The following SMC2 variants were observed in gnomAD, a reference collection of about 807,000 sequenced individuals.
The protein encoded by SMC2 is structural maintenance of chromosomes 2.
In SMC2, 41 loss-of-function variants were observed where a neutral mutation model predicts 142.6. The ratio of observed to expected loss-of-function variants is 0.29; its 90% confidence interval spans 0.22 to 0.37. The LOEUF (loss-of-function observed/expected upper bound fraction) is 0.37, where lower values mean the gene tolerates loss of function less well. Among genes scored for constraint, SMC2 ranks in the 10% least tolerant of loss-of-function variants. The pLI is 1.00. For missense variants in SMC2, 1,265 were observed against 1,373.7 expected (o/e 0.92, Z 1.25); for synonymous variants, 463 against 457.5 (o/e 1.01, Z -0.15).
At chr9:104,097,160 C>T (rs1236193505) in intron 3 of SMC2, among the ~76,000 whole-genome samples, 2 of 140,102 alleles carry the variant, frequency 1.4e-5, no homozygotes, top group African/African-American at 2.7e-5. Context: ...CGGAGTCTCG[C>T]TCTGTTACCC....
intron 10 of SMC2, 62 bp from the exon 11 acceptor site, chr9:104,113,225 CTTAGTAAAACCAATCTGAATCTTCGGCCA>C: frequency 2.2e-6 from 2 of 923,286 alleles, no homozygotes; most frequent in Non-Finnish European, 3.1e-6. Flanking sequence ...GTTAAGGTCT[CTTAGTAAAACCAATCTGAATCTTCGGCCA>C]TTTAATTACT....
At chr9:104,101,698 T>C (rs1029985903) in intron 7 of SMC2, among the ~76,000 whole-genome samples, 1 of 152,182 alleles carries the variant, frequency 6.6e-6, no homozygotes, top group Non-Finnish European at 1.5e-5. Context: ...ATGAACCTTA[T>C]GTCCATATTT....
intron 16 of SMC2, among the ~76,000 whole-genome samples, chr9:104,120,381 A>G (rs1202782526): frequency 1.3e-5 from 2 of 152,224 alleles, no homozygotes; most frequent in African/African-American, 4.8e-5. Context: ...CTATTTAAGC[A>G]AAACAAAACA....
rs114415774 is a variant in SMC2 at position 104,134,206 on chromosome 9, A to G, written c.3109-209A>G. On this transcript the variant is annotated intron_variant, in intron 22 of 24. Transcript: ENST00000374793. ...GGGAGCCCATCCAGTCTCTGTTGCA[A>G]CTACCTGATTTTGTCTTATCACTAG... Among the ~76,000 whole-genome samples, 565 of 152,210 alleles carry G rather than the reference A, an allele frequency of 3.7e-3. 4 individuals are homozygous for G. Among genetic ancestry groups the G allele is most frequent in the African/African-American group, 0.012 (511 of 41,550 alleles).
chr9:104,126,784 G>A lies in SMC2; in HGVS notation c.2595G>A (p.Lys865=), dbSNP rs914996100. 1.3e-6 allele frequency: 2 copies of A among 1,587,200 alleles called. No homozygotes were observed. The highest frequency in any genetic ancestry group is 1.7e-6 in the Non-Finnish European group (2 of 1,171,728). ...EVMAAEVAKN[K]ESVNKAQEEV... ...TGGCAGCTGAGGTGGCTAAAAATAAGGTAGGATTTATTTATCAAATTCGAG... is the reference window on the plus strand; with the variant it reads ...TGGCAGCTGAGGTGGCTAAAAATAAAGTAGGATTTATTTATCAAATTCGAG... Residue 865 remains lysine, a splice_region_variant and synonymous_variant, in exon 19 of 25, where the codon AAG becomes AAA. Transcript: ENST00000374793.
intron 20 of SMC2, 63 bp downstream of exon 20, chr9:104,127,543 T>C: frequency 8.1e-7 from 1 of 1,236,560 alleles, no homozygotes; most frequent in Non-Finnish European, 1.1e-6. Context: ...CTTGAAAAAA[T>C]TTAGAAAACT....
At chr9:104,122,868 AAATAGTT>A (rs1243364756) in intron 16 of SMC2, among the ~76,000 whole-genome samples, 1 of 152,088 alleles carries the variant, frequency 6.6e-6, no homozygotes, top group African/African-American at 2.4e-5. Flanking sequence ...TTTCTAATGT[AAATAGTT>A]GTTACAGATT....
chr9:104,132,514 G>A (rs1047359131), intron 22 of SMC2, among the ~76,000 whole-genome samples: 2 of 152,042 alleles, frequency 1.3e-5, no homozygotes, highest in African/African-American at 4.8e-5. Flanking sequence ...CCTCTCATGT[G>A]GAAGTTTTTC....
chr9:104,127,257 A>G, intron 19 of SMC2, 29 bp from the exon 20 acceptor site: 1 of 1,501,492 alleles, frequency 6.7e-7, no homozygotes, highest in Non-Finnish European at 9.0e-7. Flanking sequence ...TTACCTCACC[A>G]CATATTTTCT....
At chr9:104,103,692 T>C (rs1564075813) in intron 9 of SMC2, among the ~76,000 whole-genome samples, 2 of 152,184 alleles carry the variant, frequency 1.3e-5, no homozygotes, top group Non-Finnish European at 2.9e-5. Context: ...CTTTTGAGGG[T>C]GATTCTGTTG....
At chr9:104,131,705 G>A (rs1178603163) in intron 21 of SMC2, among the ~76,000 whole-genome samples, 1 of 148,712 alleles carries the variant, frequency 6.7e-6, no homozygotes, top group East Asian at 2.0e-4. Flanking sequence ...TATTAGTGGA[G>A]TCAAAATATT....
chr9:104,137,776 T>A (rs1381458512), intron 23 of SMC2, among the ~76,000 whole-genome samples: 1 of 151,916 alleles, frequency 6.6e-6, no homozygotes, highest in African/African-American at 2.4e-5. Context: ...TATGGCAATA[T>A]TAAAATTGTC....
At chr9:104,127,557 T>G (rs970551360) in intron 20 of SMC2, 77 bp downstream of exon 20, 1 of 1,117,742 alleles carries the variant, frequency 8.9e-7, no homozygotes, top group African/African-American at 1.6e-5. Context: ...GAAAACTGCT[T>G]GATAGAGAAC....
intron 22 of SMC2, among the ~76,000 whole-genome samples, chr9:104,133,035 A>C (rs546199482): frequency 1.3e-5 from 2 of 152,210 alleles, no homozygotes; most frequent in African/African-American, 4.8e-5. Context: ...AATCTAACAA[A>C]GTAGGTACTG....
chr9:104,138,342 C>G (rs1365867497), intron 24 of SMC2, among the ~76,000 whole-genome samples, 177 bp downstream of exon 24: 1 of 152,110 alleles, frequency 6.6e-6, no homozygotes, highest in Non-Finnish European at 1.5e-5. Flanking sequence ...AAGTTTCACT[C>G]TCCTTTTTAA....
In SMC2 at chr9:104,126,728, A is replaced by G. The variant is rs200800207; in HGVS notation, c.2539A>G (p.Ile847Val). The G allele has an allele frequency of 6.2e-6, 10 of 1,613,138 alleles. No homozygotes were observed. Among genetic ancestry groups the G allele is most frequent in the East Asian group, 2.2e-5 (1 of 44,848 alleles). The stretch of plus-strand genomic sequence containing the variant: ...ACAGCTTGAAGCTGTAAATGAAGCT[A>G]TCAAATCCTATGAAAGTCAGATTGA... ...KQQLEAVNEA[I>V]KSYESQIEVM... is the part of the protein sequence containing the mutation. The change falls in exon 19 of 25, where the codon ATC becomes GTC. Residue 847 changes from isoleucine (I) to valine (V), a missense_variant. Physicochemically the swap from Ile to Val is conservative, Grantham distance 29. Transcript: ENST00000374793.
At chr9:104,100,566 C>CA (rs373102671) in intron 7 of SMC2, 133 bp downstream of exon 7, 299 of 586,370 alleles carry the variant, frequency 5.1e-4, no homozygotes, top group Non-Finnish European at 7.1e-4. Context: ...TTAGAGTTGG[C>CA]ACTCCATAAC....
At chr9:104,121,164 A>C (rs7874617) in intron 16 of SMC2, among the ~76,000 whole-genome samples, 1 of 152,034 alleles carries the variant, frequency 6.6e-6, no homozygotes, top group African/African-American at 2.4e-5. Flanking sequence ...AAAGCTTCAT[A>C]AGTTAAAAGA....
intron 17 of SMC2, among the ~76,000 whole-genome samples, chr9:104,124,623 ATTTTT>A (rs72030083): frequency 1.0e-3 from 155 of 148,642 alleles, no homozygotes; most frequent in African/African-American, 3.6e-3. Context: ...ATGATCTGTG[ATTTTT>A]TTTTTTTTAA....
Sources: gnomAD v4.1 joint callset for allele counts (sites outside exome capture counted in the v4.1 genomes callset) on GRCh38, gnomAD v4.1.1 for gene constraint, MANE v1.5 for transcripts, NCBI Gene and HGNC (gene_info 2026-07-23, HGNC 2026-07-21) for gene names.